Variants in FGF12 observed in about 807,000 individuals in gnomAD.
FGF12 encodes the protein fibroblast growth factor 12, also known as fibroblast growth factor 12B.
In FGF12, 14 loss-of-function variants were observed where a neutral mutation model predicts 23.6. The observed-to-expected ratio is 0.59, with a 90% CI of 0.39 to 0.93. The LOEUF (loss-of-function observed/expected upper bound fraction) is 0.93, where lower values mean the gene tolerates loss of function less well. FGF12 is among the 40% of genes least tolerant of loss of function. The pLI is 0.00. For synonymous variants in FGF12, 62 were observed against 77.3 expected (o/e 0.80, Z 1.04); for missense variants, 175 against 217.8 (o/e 0.80, Z 1.24).
At chr3:192,338,114 A>G (rs894577485) in intron 3 of FGF12, among the ~76,000 whole-genome samples, 2 of 152,054 alleles carry the variant, frequency 1.3e-5, no homozygotes, top group Non-Finnish European at 2.9e-5. Context: ...TCAAAACATC[A>G]TATTTCATCT....
In FGF12 at chr3:192,658,678, A is replaced by T. The variant is rs113782144; in HGVS notation, c.13+68503T>A. Among the ~76,000 whole-genome samples the T allele has an allele frequency of 3.7e-3, 546 of 146,420 alleles. 1 individual carries two copies. The highest frequency in any genetic ancestry group is 5.1e-3 in the Non-Finnish European group (337 of 66,608). On this transcript the variant is annotated intron_variant, in intron 2 of 5. Coordinates refer to ENST00000445105, the MANE Select transcript of FGF12 (RefSeq NM_004113.6). ...TTGCATAACTTAGGTTTTCAATGAA[A>T]ATAATTTATTTGTCCAGTGCAATAA...
rs999840169 is a variant in FGF12, at chr3:192,543,809, T to G, written c.14-183271A>C. Among the ~76,000 whole-genome samples, 8 of 152,180 alleles carry G rather than the reference T, an allele frequency of 5.3e-5. 1 individual carries two copies. Among genetic ancestry groups the G allele is most frequent in the Admixed American group, 3.3e-4 (5 of 15,282 alleles). ...CAGGGTGTGTCTAGAAATGTCATCCTGGAATTAAGGTCTGGGATGGGGCCC... is the reference window on the plus strand; with the variant it reads ...CAGGGTGTGTCTAGAAATGTCATCCGGGAATTAAGGTCTGGGATGGGGCCC... On this transcript the variant is annotated intron_variant, in intron 2 of 5. Coordinates refer to ENST00000445105, the MANE Select transcript of FGF12 (RefSeq NM_004113.6).
At chr3:192,494,977 C>T (rs1489767608) in intron 2 of FGF12, among the ~76,000 whole-genome samples, 1 of 152,150 alleles carries the variant, frequency 6.6e-6, no homozygotes, top group Non-Finnish European at 1.5e-5. Context: ...TCTCCTGCCT[C>T]GGCCTCCTGA....
rs1715212103 is a variant in FGF12 at position 192,627,406 on chromosome 3, C to T, written c.13+99775G>A. On this transcript the variant is annotated intron_variant, in intron 2 of 5. Coordinates refer to ENST00000445105, the MANE Select transcript of FGF12 (RefSeq NM_004113.6). ...CACTATACCGAATACTATAATTAAA[C>T]ACTTATATGTAAATTTTATTCATTT... 2.0e-5 allele frequency among the ~76,000 whole-genome samples: 3 copies of T among 151,950 alleles called. No homozygotes were observed. The South Asian group carries it at 6.2e-4, about 32-fold the overall frequency.
intron 2 of FGF12, among the ~76,000 whole-genome samples, chr3:192,432,620 C>CAAAAAAAAAAAAAAAAA (rs201364119): frequency 2.8e-5 from 3 of 106,720 alleles, no homozygotes; most frequent in Non-Finnish European, 3.7e-5. Flanking sequence ...TGACATCTGG[C>CAAAAAAAAAAAAAAAAA]AAAAAAAAAA....
At position 192,359,105 on chromosome 3, in the gene FGF12, T is replaced by C. The variant is rs114520842; in HGVS notation, c.124+1323A>G. ...TTGAAAGCTTTAATCATTTAAAGAA[T>C]GCTTTCACAAAAACACAAGCCAACA... On this transcript the variant is annotated intron_variant, in intron 3 of 5. Transcript: ENST00000445105. 4.2e-3 allele frequency among the ~76,000 whole-genome samples: 638 copies of C among 152,286 alleles called. 1 individual carries two copies. Among genetic ancestry groups the C allele is most frequent in the African/African-American group, 0.015 (614 of 41,566 alleles).
intron 4 of FGF12, among the ~76,000 whole-genome samples, chr3:192,287,157 G>T (rs961405530): frequency 5.9e-5 from 9 of 151,816 alleles, no homozygotes; most frequent in Non-Finnish European, 4.4e-5. Flanking sequence ...TTTGATTAAC[G>T]TTCAATGTTT....
intron 4 of FGF12, among the ~76,000 whole-genome samples, chr3:192,333,390 T>C (rs1209527300): frequency 1.3e-5 from 2 of 152,148 alleles, no homozygotes; most frequent in African/African-American, 2.4e-5. Flanking sequence ...TAAGACTAAC[T>C]AGAAATATTC....
chr3:192,212,399 G>GA (rs555702670), intron 4 of FGF12, among the ~76,000 whole-genome samples: 2,203 of 151,200 alleles, frequency 0.015, 47 homozygotes, highest in African/African-American at 0.047. Context: ...TTAGTTTCAG[G>GA]AAAAAAAAAT....
chr3:192,278,554 T>C (rs180986064), intron 4 of FGF12, among the ~76,000 whole-genome samples: 28 of 152,300 alleles, frequency 1.8e-4, no homozygotes, highest in Admixed American at 1.5e-3. Flanking sequence ...GAGTGTATAA[T>C]ACTTCTAGAA....
chr3:192,309,431 G>A (rs563539286), intron 4 of FGF12, among the ~76,000 whole-genome samples: 1 of 152,308 alleles, frequency 6.6e-6, no homozygotes, highest in Admixed American at 6.5e-5. Flanking sequence ...TGATGGGGGT[G>A]AGAGAGTTTG....
At chr3:192,247,638 T>A (rs1344576435) in intron 4 of FGF12, among the ~76,000 whole-genome samples, 2 of 152,204 alleles carry the variant, frequency 1.3e-5, no homozygotes, top group Non-Finnish European at 2.9e-5. Context: ...AATAATTTAA[T>A]AAATCATTTC....
At chr3:192,475,427 C>T (rs1304349430) in intron 2 of FGF12, among the ~76,000 whole-genome samples, 1 of 152,092 alleles carries the variant, frequency 6.6e-6, no homozygotes, top group Non-Finnish European at 1.5e-5. Context: ...AATGTAGGTG[C>T]CAGTGAAGGG....
intron 4 of FGF12, among the ~76,000 whole-genome samples, chr3:192,205,625 A>C (rs2108668994): frequency 6.6e-6 from 1 of 152,290 alleles, no homozygotes; most frequent in South Asian, 2.1e-4. Flanking sequence ...GTGTAGGCAG[A>C]GTAGGGAGTG....
At chr3:192,267,888 G>T (rs182484507) in intron 4 of FGF12, among the ~76,000 whole-genome samples, 1 of 151,908 alleles carries the variant, frequency 6.6e-6, no homozygotes, top group Admixed American at 6.6e-5. Flanking sequence ...TTCTAACAAC[G>T]CACCTTTAAT....
chr3:192,289,688 A>G (rs950613198), intron 4 of FGF12, among the ~76,000 whole-genome samples: 4 of 152,112 alleles, frequency 2.6e-5, no homozygotes, highest in African/African-American at 9.7e-5. Context: ...TTGTTTATTC[A>G]CTACAAAATT....
chr3:192,395,815 T>G (rs574806423), intron 2 of FGF12, among the ~76,000 whole-genome samples: 1 of 152,316 alleles, frequency 6.6e-6, no homozygotes, highest in Non-Finnish European at 1.5e-5. Context: ...TGGGCAGGAC[T>G]GCAGCAGAGT....
chr3:192,185,415 T>C (rs145685854), intron 4 of FGF12, among the ~76,000 whole-genome samples: 172 of 152,294 alleles, frequency 1.1e-3, no homozygotes, highest in African/African-American at 3.9e-3. Context: ...TTTGATGAAA[T>C]AGCCCTTGTA....
intron 2 of FGF12, among the ~76,000 whole-genome samples, chr3:192,398,761 G>T (rs1720634335): frequency 6.6e-6 from 1 of 152,134 alleles, no homozygotes; most frequent in South Asian, 2.1e-4. Context: ...AAGAAAAGTA[G>T]ATTAGGAAAA....
Sources: gnomAD v4.1 joint callset for allele counts (sites outside exome capture counted in the v4.1 genomes callset) on GRCh38, gnomAD v4.1.1 for gene constraint, MANE v1.5 for transcripts, NCBI Gene and HGNC (gene_info 2026-07-23, HGNC 2026-07-21) for gene names.